PID1: variants seen among roughly 807,000 people sequenced by gnomAD.
PID1 encodes the protein PTB-containing, cubilin and LRP1-interacting protein.
PID1 carries 10 observed loss-of-function variants against 19.1 expected under a neutral mutation model. The observed-to-expected ratio is 0.52, with a 90% CI of 0.32 to 0.89. The LOEUF is 0.89. Ranked by LOEUF, PID1 falls within the 40% of genes least tolerant of loss-of-function variation. The pLI is 0.03. For synonymous variants in PID1, 130 were observed against 116.0 expected (o/e 1.12, Z -0.78); for missense variants, 248 against 285.3 (o/e 0.87, Z 0.94).
intron 1 of PID1, among the ~76,000 whole-genome samples, chr2:229,248,756 TAG>T (rs1690068704): frequency 6.6e-6 from 1 of 151,826 alleles, no homozygotes; most frequent in East Asian, 1.9e-4. Context: ...TATGAACTCA[TAG>T]ACTTATTTTT....
At chr2:229,086,641 G>T (rs11692327) in intron 2 of PID1, among the ~76,000 whole-genome samples, 2 of 151,912 alleles carry the variant, frequency 1.3e-5, no homozygotes, top group Non-Finnish European at 2.9e-5. Flanking sequence ...TTTTACTTAC[G>T]TGAAAAACTT....
chr2:229,267,710 G>C (rs184673033), intron 1 of PID1, among the ~76,000 whole-genome samples: 1 of 152,136 alleles, frequency 6.6e-6, no homozygotes, highest in Non-Finnish European at 1.5e-5. Context: ...TGCATGGATG[G>C]GTTTGTTACT....
At chr2:229,251,275 ATTT>A (rs56674281) in intron 1 of PID1, among the ~76,000 whole-genome samples, 22,255 of 150,914 alleles carry the variant, frequency 0.15, 1,768 homozygotes, top group South Asian at 0.19. Context: ...AAGGTACTGT[ATTT>A]TTTTTTTTTT....
intron 1 of PID1, among the ~76,000 whole-genome samples, chr2:229,203,308 A>C (rs1343851707): frequency 6.6e-6 from 1 of 152,124 alleles, no homozygotes; most frequent in African/African-American, 2.4e-5. Flanking sequence ...TGGGGGAAGG[A>C]AATCCTTAAG....
chr2:229,140,973 C>CT (rs1689999215), intron 2 of PID1, among the ~76,000 whole-genome samples: 1 of 138,312 alleles, frequency 7.2e-6, no homozygotes, highest in African/African-American at 2.7e-5. Context: ...AACAAATAAA[C>CT]TATTTTTTTT....
chr2:229,080,270 T>C (rs1198837825), intron 2 of PID1, among the ~76,000 whole-genome samples: 1 of 152,194 alleles, frequency 6.6e-6, no homozygotes, highest in Non-Finnish European at 1.5e-5. Flanking sequence ...CTTGAGGCTT[T>C]CTGTAATCTG....
At chr2:229,254,543 T>C (rs1382888996) in intron 1 of PID1, among the ~76,000 whole-genome samples, 1 of 152,204 alleles carries the variant, frequency 6.6e-6, no homozygotes, top group South Asian at 2.1e-4. Context: ...AAGTAACTAA[T>C]CATGTTTCTC....
chr2:229,032,624 G>A (rs1348673630), intron 2 of PID1, among the ~76,000 whole-genome samples: 2 of 152,206 alleles, frequency 1.3e-5, no homozygotes, highest in Non-Finnish European at 2.9e-5. Context: ...GACAAGAGGG[G>A]TCTTCAGGAA....
At chr2:229,146,283 C>T (rs1049167446) in intron 2 of PID1, among the ~76,000 whole-genome samples, 1 of 152,034 alleles carries the variant, frequency 6.6e-6, no homozygotes, top group Non-Finnish European at 1.5e-5. Flanking sequence ...ACAGTGAGAA[C>T]ACATGGACAC....
intron 1 of PID1, among the ~76,000 whole-genome samples, chr2:229,198,340 G>A (rs952748571): frequency 2.0e-5 from 3 of 151,928 alleles, no homozygotes; most frequent in African/African-American, 4.8e-5. Context: ...CAGTTGATAC[G>A]ATAGTCCACA....
intron 2 of PID1, among the ~76,000 whole-genome samples, chr2:229,056,080 AGT>A (rs1694094000): frequency 6.6e-6 from 1 of 152,318 alleles, no homozygotes; most frequent in Non-Finnish European, 1.5e-5. Flanking sequence ...TGAGTGGTAG[AGT>A]GTATCTATTC....
chr2:229,102,848 A>G (rs1415894926), intron 2 of PID1, among the ~76,000 whole-genome samples: 2 of 152,342 alleles, frequency 1.3e-5, no homozygotes, highest in Admixed American at 6.5e-5. Flanking sequence ...CATGCGGCTC[A>G]TCACCCAGGA....
At chr2:229,117,570 T>C (rs1185570438) in intron 2 of PID1, among the ~76,000 whole-genome samples, 1 of 152,192 alleles carries the variant, frequency 6.6e-6, no homozygotes, top group Non-Finnish European at 1.5e-5. Flanking sequence ...CTAATAATTT[T>C]CCATTGCTGT....
At position 229,153,982 on chromosome 2, in the gene PID1, T is replaced by A. The variant is rs72977155; in HGVS notation, c.177+1836A>T. ...CCTGAAGAATGTATAACGAATTTGA[T>A]CTCATATCACTTTCAAATTTATAAT... On this transcript the variant is annotated intron_variant, in intron 2 of 2. Coordinates refer to ENST00000392055, the MANE Select transcript of PID1 (RefSeq NM_001100818.2). 2.2e-3 allele frequency among the ~76,000 whole-genome samples: 336 copies of A among 152,236 alleles called. 2 individuals are homozygous for A. The highest frequency in any genetic ancestry group is 4.2e-3 in the Non-Finnish European group (287 of 68,022).
At position 229,231,959 on chromosome 2, in the gene PID1, G is replaced by T. The variant is rs528156607; in HGVS notation, c.30+39055C>A. ...AGGCTAGGAAGATCATGATCAAGGT[G>T]CGGGCTTGTTTGATTGTCTTGTGAG... is the stretch of plus-strand genomic sequence containing the variant. On this transcript the variant is annotated intron_variant, in intron 1 of 2. Transcript: ENST00000392055. The T allele has an allele frequency of 3.3e-3, 5,137 of 1,550,486 alleles. 22 individuals are homozygous for T. Among genetic ancestry groups the T allele is most frequent in the Middle Eastern group, 6.5e-3 (39 of 5,990 alleles).
intron 1 of PID1, among the ~76,000 whole-genome samples, chr2:229,254,537 A>G (rs1464974738): frequency 2.0e-5 from 3 of 152,176 alleles, no homozygotes; most frequent in Admixed American, 2.0e-4. Flanking sequence ...AAGGTTAAGT[A>G]ACTAATCATG....
At chr2:229,140,707 TA>T (rs1363113179) in intron 2 of PID1, among the ~76,000 whole-genome samples, 2 of 152,172 alleles carry the variant, frequency 1.3e-5, no homozygotes, top group African/African-American at 2.4e-5. Flanking sequence ...TCCATCATAA[TA>T]ACAAGATATA....
At chr2:229,070,300 G>A (rs1694426032) in intron 2 of PID1, among the ~76,000 whole-genome samples, 1 of 152,190 alleles carries the variant, frequency 6.6e-6, no homozygotes, top group African/African-American at 2.4e-5. Flanking sequence ...CTAGTTATGT[G>A]ACATTAAGAC....
chr2:229,171,881 C>T (rs1690717545), intron 1 of PID1, among the ~76,000 whole-genome samples: 1 of 152,190 alleles, frequency 6.6e-6, no homozygotes, highest in African/African-American at 2.4e-5. Context: ...TGGACACCAT[C>T]TTGCAATGAG....
Sources: allele counts gnomAD v4.1 joint callset (sites outside exome capture counted in the v4.1 genomes callset), GRCh38; gene constraint gnomAD v4.1.1; transcripts MANE v1.5; gene names NCBI Gene and HGNC (gene_info 2026-07-23, HGNC 2026-07-21).